Variants in SATL1 observed in about 807,000 individuals in gnomAD.
SATL1 encodes the protein spermidine/spermine N(1)-acetyltransferase-like protein 1.
Under a neutral mutation model 51.8 loss-of-function variants are expected in SATL1, and 47 were observed. The ratio of observed to expected loss-of-function variants is 0.91; its 90% confidence interval spans 0.72 to 1.16. The LOEUF (loss-of-function observed/expected upper bound fraction) is 1.16, where lower values mean the gene tolerates loss of function less well. Ranked by LOEUF, SATL1 falls within the 50% of genes most tolerant of loss-of-function variation. SATL1 has a pLI of 0.00. For missense variants in SATL1, 520 were observed against 526.4 expected, an observed-to-expected ratio of 0.99 and a Z score of 0.12; for synonymous variants, 176 against 182.4, an observed-to-expected ratio of 0.97 and a Z score of 0.28.
rs188827677 is a variant in SATL1, at chrX:85,108,858, C to T, written c.111G>A (p.Gly37=). The T allele has an allele frequency of 6.6e-6, 8 of 1,210,191 alleles. No homozygotes were observed. The highest frequency in any genetic ancestry group is 8.9e-6 in the Non-Finnish European group (8 of 895,338). ...LGMNQMDMNQ[G]SASLYEMNQV... is the part of the protein sequence containing the mutation. ...GGTTCATTTCATATAGGCTTGCACT[C>T]CCTTGGTTCATGTCCATTTGGTTCA... The change falls in exon 3 of 8, where the codon GGG becomes GGA. Residue 37 remains glycine (G), a synonymous_variant. Coordinates refer to ENST00000644105, the MANE Select transcript of SATL1 (RefSeq NM_001367857.2).
chrX:85,200,776 T>C (rs1927671263), intron 2 of SATL1, among the ~76,000 whole-genome samples: 1 of 111,296 alleles, frequency 9.0e-6, no homozygotes, highest in African/African-American at 3.3e-5. Flanking sequence ...TAAATCTATT[T>C]ATTTACATTA....
intron 2 of SATL1, among the ~76,000 whole-genome samples, chrX:85,220,834 AAAAAG>A (rs1320112237): frequency 3.6e-5 from 4 of 109,757 alleles, no homozygotes; most frequent in African/African-American, 1.3e-4. Flanking sequence ...TAAGTGAGAG[AAAAAG>A]AAATTAAGTG....
At chrX:85,096,677 A>G (rs947261908) in intron 4 of SATL1, among the ~76,000 whole-genome samples, 5 of 111,062 alleles carry the variant, frequency 4.5e-5, no homozygotes, top group Admixed American at 9.6e-5. Flanking sequence ...AGGGATCCTC[A>G]ATTAGATTAC....
intron 2 of SATL1, among the ~76,000 whole-genome samples, chrX:85,220,531 A>G (rs1381360149): frequency 9.4e-6 from 1 of 106,228 alleles, no homozygotes; most frequent in African/African-American, 3.4e-5. Flanking sequence ...GGAAGAATGT[A>G]GAGGACTTTG....
At chrX:85,214,553 A>G (rs1927998537) in intron 2 of SATL1, among the ~76,000 whole-genome samples, 1 of 111,391 alleles carries the variant, frequency 9.0e-6, no homozygotes, top group Admixed American at 9.6e-5. Context: ...AAAATACAAT[A>G]ATTTTATCCC....
intron 2 of SATL1, among the ~76,000 whole-genome samples, chrX:85,189,815 A>G (rs937152136): frequency 8.9e-6 from 1 of 112,227 alleles, no homozygotes; most frequent in African/African-American, 3.2e-5. Flanking sequence ...GGAGCATTCA[A>G]TAAGTAAATG....
At chrX:85,124,805 T>A (rs56273616) in intron 2 of SATL1, among the ~76,000 whole-genome samples, 1 of 110,394 alleles carries the variant, frequency 9.1e-6, no homozygotes, top group Non-Finnish European at 1.9e-5. Flanking sequence ...ACAAGAGAAG[T>A]CTTTGGATCC....
At chrX:85,109,366 C>A (rs957603581) in intron 2 of SATL1, 86 bp from the exon 3 acceptor site, 7 of 200,887 alleles carry the variant, frequency 3.5e-5, no homozygotes, top group Non-Finnish European at 6.3e-5. Flanking sequence ...GTCACTGCAT[C>A]ATAATGGCGG....
intron 2 of SATL1, among the ~76,000 whole-genome samples, chrX:85,179,799 A>C (rs73627327): frequency 0.017 from 1,918 of 110,411 alleles, 41 homozygotes; most frequent in African/African-American, 0.06. Flanking sequence ...AGAAACGTTA[A>C]GAGACTGCAC....
intron 2 of SATL1, among the ~76,000 whole-genome samples, chrX:85,216,583 T>C (rs750703708): frequency 9.0e-6 from 1 of 111,720 alleles, no homozygotes; most frequent in African/African-American, 3.2e-5. Flanking sequence ...TAGAAGCCAC[T>C]TGCAGTTGCT....
chrX:85,197,850 G>T (rs2147748430), intron 2 of SATL1, among the ~76,000 whole-genome samples: 1 of 110,045 alleles, frequency 9.1e-6, no homozygotes, highest in African/African-American at 3.3e-5. Context: ...TGGCTGCATA[G>T]TATTCCATGG....
intron 1 of SATL1, among the ~76,000 whole-genome samples, chrX:85,232,110 G>C (rs1928392647): frequency 9.2e-6 from 1 of 108,619 alleles, no homozygotes; most frequent in African/African-American, 3.4e-5. Context: ...CCTTAGGAGA[G>C]AGCACTGAGC....
chrX:85,193,978 G>T lies in SATL1; in HGVS notation c.-313+30227C>A, dbSNP rs759610470. Reference sequence around the variant, plus strand: ...TATTGTGAACAGTGCTGCAATAAACGTTTGTGTGCATGGGTCTTTATGGTA... The same window carrying T: ...TATTGTGAACAGTGCTGCAATAAACTTTTGTGTGCATGGGTCTTTATGGTA... On this transcript the variant is annotated intron_variant, in intron 2 of 7. Coordinates refer to ENST00000644105, the MANE Select transcript of SATL1 (RefSeq NM_001367857.2). Among the ~76,000 whole-genome samples, 3 of 111,506 alleles carry T rather than the reference G, an allele frequency of 2.7e-5. No homozygotes were observed. In the South Asian group the frequency reaches 1.1e-3, roughly 42 times the overall value.
chrX:85,211,531 T>A (rs184629720), intron 2 of SATL1: 43 of 111,892 alleles, frequency 3.8e-4, no homozygotes. Context: ...GTATTCAACC[T>A]AAGTATTTGC....
At chrX:85,152,715 G>A (rs1278544335) in intron 2 of SATL1, among the ~76,000 whole-genome samples, 1 of 110,912 alleles carries the variant, frequency 9.0e-6, no homozygotes, top group Non-Finnish European at 1.9e-5. Context: ...ACTTTCACAA[G>A]GACAAAAAAG....
At position 85,136,849 on chromosome X, in the gene SATL1, A is replaced by T. The variant is rs564627726; in HGVS notation, c.-312-27569T>A. Among the ~76,000 whole-genome samples the T allele has an allele frequency of 5.5e-4, 61 of 111,751 alleles. No homozygotes were observed. In the South Asian group the frequency reaches 0.015, roughly 28 times the overall value. On this transcript the variant is annotated intron_variant, in intron 2 of 7. Transcript: ENST00000644105. ...CATTTATTAAAAGATTTTCAGCAAA[A>T]ATAAGTGAGCATAGGCAATGAGTGA...
chrX:85,119,674 T>C, intron 2 of SATL1, among the ~76,000 whole-genome samples: 1 of 111,090 alleles, frequency 9.0e-6, no homozygotes, highest in Non-Finnish European at 1.9e-5. Flanking sequence ...GATGCTTAAA[T>C]ACCTTGCATT....
At chrX:85,188,471 C>T (rs1323106725) in intron 2 of SATL1, among the ~76,000 whole-genome samples, 3 of 111,161 alleles carry the variant, frequency 2.7e-5, no homozygotes, top group Non-Finnish European at 5.7e-5. Flanking sequence ...CCGTTTTATG[C>T]AGAGATAGGT....
rs1569462958 is a variant in SATL1, at chrX:85,092,407, A to T, written c.2072T>A (p.Met691Lys). 1 of 1,171,538 alleles carries T rather than the reference A, an allele frequency of 8.5e-7. No homozygotes were observed. The highest frequency in any genetic ancestry group is 3.2e-5 in the East Asian group (1 of 31,142). The change falls in exon 8 of 8, where the codon ATG becomes AAG. Residue 691 changes from methionine to lysine, a missense_variant. Transcript: ENST00000644105. ...AAGCCTCTTTCATTCTTCCCATGCC[A>T]TGTCCAGGAGTTCTTCTCTGTTAAA... ...FRFNREELLDMAWEE is the reference protein window; with the variant it reads ...FRFNREELLDKAWEE
Sources: gnomAD v4.1 joint callset for allele counts (sites outside exome capture counted in the v4.1 genomes callset) on GRCh38, gnomAD v4.1.1 for gene constraint, MANE v1.5 for transcripts, NCBI Gene and HGNC (gene_info 2026-07-23, HGNC 2026-07-21) for gene names.